MYH10: variants seen among roughly 807,000 people sequenced by gnomAD.
MYH10 encodes the protein myosin heavy chain 10, also known as myosin-10.
Under a neutral mutation model 257.8 loss-of-function variants are expected in MYH10, and 55 were observed. The ratio of observed to expected loss-of-function variants is 0.21; its 90% confidence interval spans 0.17 to 0.27. The LOEUF (loss-of-function observed/expected upper bound fraction) is 0.27, where lower values mean the gene tolerates loss of function less well. Among genes scored for constraint, MYH10 ranks in the 10% least tolerant of loss-of-function variants. The pLI, the probability that MYH10 is intolerant of heterozygous loss-of-function variation, is 1.00. For missense variants in MYH10, 1,631 were observed against 2,500.6 expected, an observed-to-expected ratio of 0.65 and a Z score of 7.42; for synonymous variants, 854 against 921.7, an observed-to-expected ratio of 0.93 and a Z score of 1.33.
Position 8,512,719 on chromosome 17 carries a change from G to A in MYH10, c.2746-62C>T, listed in dbSNP as rs903142449. Reference sequence around the variant, plus strand: ...TTACATACGTACACAGTATATATTCGCCGTGATTTCAATGGTCAATGCACA... The same window carrying A: ...TTACATACGTACACAGTATATATTCACCGTGATTTCAATGGTCAATGCACA... On this transcript the variant is annotated intron_variant, in intron 23 of 42. Transcript: ENST00000360416. The A allele has an allele frequency of 2.4e-5, 33 of 1,363,478 alleles. No homozygotes were observed. In the South Asian group the frequency reaches 2.9e-4, roughly 12 times the overall value. 84.5% of individuals were successfully genotyped at this position (1,363,478 alleles called of 1,614,324 possible).
chr17:8,533,990 C>A (rs112611231), intron 16 of MYH10, among the ~76,000 whole-genome samples: 1 of 152,218 alleles, frequency 6.6e-6, no homozygotes, highest in Non-Finnish European at 1.5e-5. Flanking sequence ...TTCCAACTCA[C>A]CAGCGCTGGC....
rs1167295502 is a variant in MYH10, at chr17:8,490,743, T to C, written c.4672-191A>G. On this transcript the variant is annotated intron_variant, in intron 34 of 42. Coordinates refer to ENST00000360416, the MANE Select transcript of MYH10 (RefSeq NM_001256012.3). This position sits in a 1 kb window ranked among gnomAD's most constrained non-coding sequence, Gnocchi z 4.1. ...TGCTGCTATTCTCCATTTCAGTGTA[T>C]GCAGTTCAGAACTACAGTGCGGATG... Among the ~76,000 whole-genome samples the C allele has an allele frequency of 6.6e-6, 1 of 152,216 alleles. No homozygotes were observed. Among genetic ancestry groups the C allele is most frequent in the East Asian group, 1.9e-4 (1 of 5,198 alleles).
intron 26 of MYH10, 38 bp downstream of exon 26, chr17:8,508,516 T>A (rs374613881): frequency 1.2e-6 from 2 of 1,612,514 alleles, no homozygotes; most frequent in African/African-American, 2.7e-5. Flanking sequence ...AACACTCACA[T>A]GTCCTAGTCC....
intron 21 of MYH10, among the ~76,000 whole-genome samples, chr17:8,518,104 C>CGTGTGTGTGTGTGTGT (rs58352961): frequency 6.9e-5 from 8 of 116,580 alleles, no homozygotes; most frequent in Non-Finnish European, 1.0e-4. Flanking sequence ...CCCTTGGCCC[C>CGTGTGTGTGTGTGTGT]GTGTGTGTGT....
At chr17:8,599,081 A>G (rs773091850) in intron 3 of MYH10, among the ~76,000 whole-genome samples, 1 of 152,242 alleles carries the variant, frequency 6.6e-6, no homozygotes, top group Non-Finnish European at 1.5e-5. Flanking sequence ...TGAGTGATTA[A>G]TAACAAAACA....
At chr17:8,481,834 T>C (rs1936892742) in intron 37 of MYH10, among the ~76,000 whole-genome samples, 1 of 152,262 alleles carries the variant, frequency 6.6e-6, no homozygotes, top group African/African-American at 2.4e-5. Flanking sequence ...GGACGCTGGC[T>C]GCACAGACCA....
chr17:8,585,658 A>G (rs542003624), intron 4 of MYH10, among the ~76,000 whole-genome samples: 2 of 152,294 alleles, frequency 1.3e-5, no homozygotes, highest in African/African-American at 2.4e-5. Context: ...TATCTAAAAA[A>G]TTTTAAACTA....
intron 16 of MYH10, 131 bp from the exon 17 acceptor site, chr17:8,530,816 C>A (rs2081985620): frequency 3.2e-6 from 2 of 615,492 alleles, no homozygotes; most frequent in Non-Finnish European, 5.6e-6. Flanking sequence ...CAAGGCAGAT[C>A]CCATGCAAAC....
At chr17:8,556,704 A>C (rs531057024) in intron 7 of MYH10, among the ~76,000 whole-genome samples, 1 of 152,322 alleles carries the variant, frequency 6.6e-6, no homozygotes, top group East Asian at 1.9e-4. Context: ...TCACTACACT[A>C]CGTACACATT....
intron 4 of MYH10, among the ~76,000 whole-genome samples, chr17:8,588,071 C>A (rs1323144850): frequency 6.6e-6 from 1 of 152,128 alleles, no homozygotes; most frequent in Admixed American, 6.5e-5. Context: ...ACCACACCTT[C>A]TTGCCTCCTC....
At chr17:8,565,856 C>T (rs2083149250) in intron 7 of MYH10, among the ~76,000 whole-genome samples, 3 of 152,140 alleles carry the variant, frequency 2.0e-5, no homozygotes, top group African/African-American at 7.2e-5. Context: ...GATTGTCAAC[C>T]TTTGGAATAG....
At chr17:8,613,489 T>G (rs554737031) in intron 2 of MYH10, among the ~76,000 whole-genome samples, 1 of 152,158 alleles carries the variant, frequency 6.6e-6, no homozygotes, top group South Asian at 2.1e-4. Flanking sequence ...CTACCTATCA[T>G]GATCTACAAA....
At chr17:8,616,137 G>T (rs1278400013) in intron 2 of MYH10, among the ~76,000 whole-genome samples, 3 of 152,072 alleles carry the variant, frequency 2.0e-5, no homozygotes. Flanking sequence ...ACAAAAATCA[G>T]CCAGGCATGG....
chr17:8,538,079 T>A (rs1350385115), intron 14 of MYH10, among the ~76,000 whole-genome samples: 1 of 152,244 alleles, frequency 6.6e-6, no homozygotes, highest in Admixed American at 6.5e-5. Flanking sequence ...GAAAGTATTG[T>A]TTTCACTCTC....
At position 8,476,939 on chromosome 17, in the gene MYH10, T is replaced by C; in HGVS notation, c.5816A>G (p.Asp1939Gly). The C allele has an allele frequency of 6.2e-7, 1 of 1,613,784 alleles. No homozygotes were observed. The highest frequency in any genetic ancestry group is 1.1e-5 in the South Asian group (1 of 91,086). ...ASRRKLQREL[D>G]DATEANEGLS... The stretch of plus-strand genomic sequence containing the variant: ...GCCCTCGTTGGCCTCGGTGGCATCA[T>C]CCAGTTCCCGCTGGAGTTTACGCCG... Residue 1939 changes from aspartate (D) to glycine (G), a missense_variant, in exon 42 of 43, where the codon GAT (aspartate) becomes GGT (glycine). By Grantham distance (94) the Asp-to-Gly change is moderately conservative. This residue lies in a region of MYH10 where 343 missense variants were observed against 389.5 expected (regional missense o/e 0.88). Coordinates refer to ENST00000360416, the MANE Select transcript of MYH10 (RefSeq NM_001256012.3).
At chr17:8,499,670 C>A (rs1238590103) in intron 29 of MYH10, among the ~76,000 whole-genome samples, 194 bp from the exon 30 acceptor site, 1 of 152,194 alleles carries the variant, frequency 6.6e-6, no homozygotes, top group East Asian at 1.9e-4. Context: ...CGCGTACACA[C>A]TGCTCCGAGG....
At chr17:8,503,663 C>T (rs1004327958) in intron 28 of MYH10, among the ~76,000 whole-genome samples, 6 of 152,110 alleles carry the variant, frequency 3.9e-5, no homozygotes, top group African/African-American at 1.2e-4. Context: ...CACTGGTTTT[C>T]ACCACAACCT....
At chr17:8,584,224 G>A (rs1013950150) in intron 4 of MYH10, among the ~76,000 whole-genome samples, 1 of 152,134 alleles carries the variant, frequency 6.6e-6, no homozygotes, top group Non-Finnish European at 1.5e-5. Flanking sequence ...AGAAACAAAA[G>A]GTTACCTGGG....
Position 8,556,768 on chromosome 17 carries a change from A to G in MYH10, c.757-2750T>C, listed in dbSNP as rs190470305. 5.8e-3 allele frequency among the ~76,000 whole-genome samples: 884 copies of G among 152,364 alleles called. 11 individuals are homozygous for G. The highest frequency in any genetic ancestry group is 0.02 in the African/African-American group (818 of 41,582). On this transcript the variant is annotated intron_variant, in intron 7 of 42. Coordinates refer to ENST00000360416, the MANE Select transcript of MYH10 (RefSeq NM_001256012.3). The stretch of plus-strand genomic sequence containing the variant: ...AAAAGGTGAATTTTATTGTATGCCA[A>G]CATTTCAAAAACAATCAAGGGAGAG...
Sources: allele counts gnomAD v4.1 joint callset (sites outside exome capture counted in the v4.1 genomes callset), GRCh38; gene constraint gnomAD v4.1.1; regional missense constraint gnomAD v4.1.1; non-coding constraint Gnocchi (gnomAD v3.1); transcripts MANE v1.5; gene names NCBI Gene and HGNC (gene_info 2026-07-23, HGNC 2026-07-21).